RAD51B: variants seen among roughly 807,000 people sequenced by gnomAD.
RAD51B encodes the protein DNA repair protein RAD51 homolog 2.
A neutral mutation model predicts 42.2 loss-of-function variants in RAD51B; 38 were observed. That is an observed-to-expected ratio of 0.90 (90% CI 0.70 to 1.18). The LOEUF (loss-of-function observed/expected upper bound fraction) is 1.18, where lower values mean the gene tolerates loss of function less well. Ranked by LOEUF, RAD51B falls within the 50% of genes most tolerant of loss-of-function variation. The probability of loss-of-function intolerance (pLI) is 0.00; values close to 1 mark genes in which losing one functional copy is unlikely to be tolerated. For synonymous variants in RAD51B, 154 were observed against 145.2 expected (o/e 1.06, Z -0.43); for missense variants, 373 against 400.7 (o/e 0.93, Z 0.59).
chr14:68,224,522 A>T (rs1003153052), intron 7 of RAD51B, among the ~76,000 whole-genome samples: 5 of 152,136 alleles, frequency 3.3e-5, no homozygotes, highest in Non-Finnish European at 7.3e-5. Context: ...TTTCGGGTTC[A>T]TATTATTATG....
At chr14:68,580,029 A>G (rs1045534427) in intron 10 of RAD51B, among the ~76,000 whole-genome samples, 1 of 152,216 alleles carries the variant, frequency 6.6e-6, no homozygotes, top group Non-Finnish European at 1.5e-5. Flanking sequence ...CAATGCCAGC[A>G]TGGAGCTTCG....
chr14:68,217,965 G>A (rs554483594), intron 7 of RAD51B, among the ~76,000 whole-genome samples: 17 of 152,306 alleles, frequency 1.1e-4, no homozygotes, highest in African/African-American at 4.1e-4. Context: ...CCAGAAGTCA[G>A]AACTATTCCT....
chr14:67,986,842 A>G (rs1328114865), intron 7 of RAD51B, among the ~76,000 whole-genome samples: 3 of 152,044 alleles, frequency 2.0e-5, no homozygotes, highest in Non-Finnish European at 4.4e-5. Flanking sequence ...AGTGATTCTC[A>G]TGACTCGGCC....
intron 7 of RAD51B, among the ~76,000 whole-genome samples, chr14:68,030,415 G>A (rs2140368752): frequency 6.6e-6 from 1 of 152,294 alleles, no homozygotes; most frequent in Non-Finnish European, 1.5e-5. Flanking sequence ...AGTACTTCCT[G>A]CTTCACCTTG....
At chr14:68,393,816 T>G (rs1210656534) in intron 8 of RAD51B, among the ~76,000 whole-genome samples, 3 of 152,198 alleles carry the variant, frequency 2.0e-5, no homozygotes, top group Non-Finnish European at 4.4e-5. Context: ...AGGGTGATGT[T>G]TTTGGGGCCC....
At chr14:68,276,692 G>A (rs762264869) in intron 7 of RAD51B, among the ~76,000 whole-genome samples, 3 of 152,200 alleles carry the variant, frequency 2.0e-5, no homozygotes, top group Non-Finnish European at 4.4e-5. Context: ...TTCAAAACCC[G>A]TCCCCACCAC....
At chr14:68,378,081 C>T (rs2083407991) in intron 8 of RAD51B, among the ~76,000 whole-genome samples, 1 of 152,190 alleles carries the variant, frequency 6.6e-6, no homozygotes. Context: ...AAGGACTCCA[C>T]ATATCACTCC....
At chr14:68,521,514 G>C (rs1394396922) in intron 10 of RAD51B, among the ~76,000 whole-genome samples, 1 of 152,326 alleles carries the variant, frequency 6.6e-6, no homozygotes, top group African/African-American at 2.4e-5. Flanking sequence ...ATTAGGAAGA[G>C]AGCAAATAAA....
intron 7 of RAD51B, among the ~76,000 whole-genome samples, chr14:67,951,344 C>T (rs757845397): frequency 5.9e-5 from 9 of 152,086 alleles, no homozygotes; most frequent in Non-Finnish European, 1.2e-4. Context: ...TTGAGTCTTC[C>T]TCTTTCTTCT....
intron 5 of RAD51B, among the ~76,000 whole-genome samples, chr14:67,872,842 G>T (rs1285389519): frequency 6.6e-6 from 1 of 151,804 alleles, no homozygotes; most frequent in African/African-American, 2.4e-5. Context: ...ATGGGGAAAG[G>T]ATTCCCTATT....
chr14:68,595,876 A>G, exon 11 of RAD51B: 1 of 288,740 alleles, frequency 3.5e-6, no homozygotes, highest in Non-Finnish European at 5.9e-6. Context: ...CTGGAAAAAT[A>G]TGTATAAAAA....
chr14:67,835,588 T>C (rs1159270480), intron 4 of RAD51B, among the ~76,000 whole-genome samples: 1 of 151,690 alleles, frequency 6.6e-6, no homozygotes, highest in Non-Finnish European at 1.5e-5. Flanking sequence ...ATATATGTAA[T>C]ATGTATGCAC....
At chr14:68,591,812 C>T (rs1890753827) in intron 10 of RAD51B, among the ~76,000 whole-genome samples, 1 of 152,122 alleles carries the variant, frequency 6.6e-6, no homozygotes. Context: ...ACTGGATGTG[C>T]AGTCCTGAGC....
chr14:68,577,237 A>G (rs1288547687), intron 10 of RAD51B, among the ~76,000 whole-genome samples: 2 of 152,184 alleles, frequency 1.3e-5, no homozygotes, highest in African/African-American at 4.8e-5. Context: ...GTTGGGAGGC[A>G]ATACTAGGTT....
Position 68,441,498 on chromosome 14 carries a change from C to T in RAD51B, c.958-26674C>T, listed in dbSNP as rs145065316. Among the ~76,000 whole-genome samples, 175 of 127,912 alleles carry T rather than the reference C, an allele frequency of 1.4e-3. 5 individuals carry two copies. Among genetic ancestry groups the T allele is most frequent in the African/African-American group, 4.8e-3 (164 of 34,354 alleles). The allele number at this position is 127,912 out of a possible 152,430, so 83.9% of individuals were successfully genotyped here. ...AGGAGTTTGCAATGAGCCAAGATGGCGCCACTGCACTCCAGCCTGGGCGAC... is the reference window on the plus strand; with the variant it reads ...AGGAGTTTGCAATGAGCCAAGATGGTGCCACTGCACTCCAGCCTGGGCGAC... On this transcript the variant is annotated intron_variant, in intron 9 of 10. Coordinates refer to ENST00000471583, the MANE Select transcript of RAD51B (RefSeq NM_133510.4).
chr14:68,179,411 C>G (rs2079018467), intron 7 of RAD51B, among the ~76,000 whole-genome samples: 1 of 152,144 alleles, frequency 6.6e-6, no homozygotes, highest in African/African-American at 2.4e-5. Context: ...CTACTTGTAG[C>G]TATTATTACT....
intron 7 of RAD51B, among the ~76,000 whole-genome samples, chr14:67,961,668 G>T (rs952759339): frequency 1.3e-5 from 2 of 152,064 alleles, no homozygotes; most frequent in African/African-American, 4.8e-5. Context: ...TGAAGGAAAC[G>T]GTCCTACCGT....
At chr14:68,252,231 T>A (rs1230157635) in intron 7 of RAD51B, among the ~76,000 whole-genome samples, 1 of 152,200 alleles carries the variant, frequency 6.6e-6, no homozygotes, top group Non-Finnish European at 1.5e-5. Context: ...AGAGAATGAT[T>A]ACGTTCTGAT....
At chr14:68,559,151 C>A (rs1285658889) in intron 10 of RAD51B, among the ~76,000 whole-genome samples, 2 of 151,180 alleles carry the variant, frequency 1.3e-5, no homozygotes, top group Non-Finnish European at 2.9e-5. Context: ...AAAAACCTGT[C>A]CATATATATG....
Sources: allele counts gnomAD v4.1 joint callset (sites outside exome capture counted in the v4.1 genomes callset), GRCh38; gene constraint gnomAD v4.1.1; transcripts MANE v1.5; gene names NCBI Gene and HGNC (gene_info 2026-07-23, HGNC 2026-07-21).